SLF1: variants seen among roughly 807,000 people sequenced by gnomAD.
SLF1 encodes SMC5-SMC6 complex localization factor protein 1.
Under a neutral mutation model 123.0 loss-of-function variants are expected in SLF1, and 105 were observed. That is an observed-to-expected ratio of 0.85 (90% CI 0.73 to 1.00). The LOEUF (loss-of-function observed/expected upper bound fraction) is 1.00. SLF1 is among the 50% of genes least tolerant of loss of function. The pLI, the probability that SLF1 is intolerant of heterozygous loss-of-function variation, is 0.00. For synonymous variants in SLF1, 434 were observed against 406.6 expected, an observed-to-expected ratio of 1.07 and a Z score of -0.81; for missense variants, 1,239 against 1,223.0, an observed-to-expected ratio of 1.01 and a Z score of -0.20.
intron 9 of SLF1, among the ~76,000 whole-genome samples, chr5:94,655,172 A>G (rs555134464): frequency 1.3e-5 from 2 of 152,288 alleles, no homozygotes; most frequent in African/African-American, 2.4e-5. Context: ...AGTTTTCCCA[A>G]CATCATTTAT....
intron 15 of SLF1, among the ~76,000 whole-genome samples, chr5:94,683,230 C>G (rs1444242879): frequency 6.6e-6 from 1 of 152,048 alleles, no homozygotes; most frequent in Non-Finnish European, 1.5e-5. Flanking sequence ...AATTTCTTTC[C>G]ATGCTTCAGA....
chr5:94,625,438 C>A (rs1392326516), intron 1 of SLF1, among the ~76,000 whole-genome samples: 1 of 151,660 alleles, frequency 6.6e-6, no homozygotes. Context: ...GGCTGGAGTG[C>A]AATGGTGTGG....
chr5:94,684,914 A>G (rs1199260362), intron 15 of SLF1, among the ~76,000 whole-genome samples: 2 of 152,198 alleles, frequency 1.3e-5, no homozygotes, highest in South Asian at 2.1e-4. Flanking sequence ...CTCAGCCTGT[A>G]TACTGATTAT....
Position 94,631,974 on chromosome 5 carries a change from T to C in SLF1, c.431+1231T>C, listed in dbSNP as rs976254503. Among the ~76,000 whole-genome samples, 88 of 125,412 alleles carry C rather than the reference T, an allele frequency of 7.0e-4. 1 individual carries two copies. In the South Asian group the frequency reaches 0.012, roughly 17 times the overall value. The allele number at this position is 125,412 out of a possible 152,430, so 82.3% of individuals were successfully genotyped here. A position where few individuals can be genotyped will look rare whatever the true frequency, so the allele number is the denominator to read the frequency against. Reference sequence around the variant, plus strand: ...CTACAAAATTTTTTTTTCTTTCTTTTTTTTTTTTTTTTTTCCAAATTAAAT... The same window carrying C: ...CTACAAAATTTTTTTTTCTTTCTTTCTTTTTTTTTTTTTTCCAAATTAAAT... On this transcript the variant is annotated intron_variant, in intron 4 of 20. Transcript: ENST00000265140.
At chr5:94,693,543 T>C (rs1413504815) in intron 20 of SLF1, among the ~76,000 whole-genome samples, 1 of 152,010 alleles carries the variant, frequency 6.6e-6, no homozygotes, top group African/African-American at 2.4e-5. Flanking sequence ...TGTTTTTGTT[T>C]TTATCAAGGT....
intron 14 of SLF1, among the ~76,000 whole-genome samples, chr5:94,676,479 A>G (rs144230817): frequency 2.6e-5 from 4 of 152,306 alleles, no homozygotes; most frequent in Non-Finnish European, 5.9e-5. Flanking sequence ...CAGCTGTCCT[A>G]TCAAGGCAGG....
At chr5:94,646,833 G>A (rs1383646293) in intron 5 of SLF1, among the ~76,000 whole-genome samples, 1 of 152,114 alleles carries the variant, frequency 6.6e-6, no homozygotes, top group African/African-American at 2.4e-5. Flanking sequence ...ATACTACATT[G>A]CTTTGGTGAT....
chr5:94,627,585 CATAT>C (rs58847356), intron 1 of SLF1, among the ~76,000 whole-genome samples: 5,992 of 86,568 alleles, frequency 0.069, 288 homozygotes, highest in African/African-American at 0.13. Flanking sequence ...ATGAAATTAA[CATAT>C]ATATATATAT....
rs554441848 is a variant in SLF1, at chr5:94,687,211, TAGGTGAGTGCCTGC to T, written c.2121+507_2121+520del. On this transcript the variant is annotated intron_variant, in intron 16 of 20. Transcript: ENST00000265140. ...AGCCAGCGGCCGTGCTGAGTGCCTG[TAGGTGAGTGCCTGC>T]AGGTGAGTGCCTGTAGTTCCAGCTA... 3.8e-3 allele frequency among the ~76,000 whole-genome samples: 580 copies of T among 152,312 alleles called. 3 individuals carry two copies. The highest frequency in any genetic ancestry group is 0.013 in the African/African-American group (558 of 41,584).
chr5:94,618,581 T>C (rs1791219832), upstream of SLF1: 1 of 154,300 alleles, frequency 6.5e-6, no homozygotes, highest in African/African-American at 2.4e-5. Context: ...ATTACCACCC[T>C]GGCGACGGCT....
chr5:94,628,588 GAA>G (rs1744863544), intron 1 of SLF1, among the ~76,000 whole-genome samples: 1 of 152,162 alleles, frequency 6.6e-6, no homozygotes, highest in Admixed American at 6.5e-5. Context: ...AAATCAGAAA[GAA>G]AACCCTCACT....
chr5:94,682,321 A>G (rs1751889399), intron 15 of SLF1, among the ~76,000 whole-genome samples: 1 of 152,046 alleles, frequency 6.6e-6, no homozygotes, highest in Non-Finnish European at 1.5e-5. Context: ...ATTGTCTGCC[A>G]CCTCTTTTTT....
chr5:94,669,053 C>G (rs1293258119), intron 12 of SLF1, among the ~76,000 whole-genome samples: 4 of 152,126 alleles, frequency 2.6e-5, no homozygotes, highest in Non-Finnish European at 5.9e-5. Context: ...TAAAAATAGA[C>G]TTTTAAACAA....
intron 4 of SLF1, among the ~76,000 whole-genome samples, chr5:94,634,596 T>G (rs1205167010): frequency 2.6e-5 from 4 of 152,320 alleles, no homozygotes; most frequent in South Asian, 2.1e-4. Context: ...TTTAGGTTGG[T>G]TTTATAACTT....
In SLF1 at chr5:94,695,587, ATAT is replaced by A. The variant is rs1215426612; in HGVS notation, c.*279_*281del. ...TTAATGTTTTTTTGTTCTGAAAGTG[ATAT>A]TATATTGTACATGTAAAATTAATTT... On this transcript the variant is annotated 3_prime_UTR_variant, in exon 21 of 21. Transcript: ENST00000265140. 2.5e-5 allele frequency: 5 copies of A among 200,566 alleles called. No individual in the cohort carries two copies. Among genetic ancestry groups the A allele is most frequent in the African/African-American group, 9.3e-5 (4 of 42,900 alleles). 12.4% of individuals were successfully genotyped at this position (200,566 alleles called of 1,614,324 possible). A position where few individuals can be genotyped will look rare whatever the true frequency, so the allele number is the denominator to read the frequency against.
At chr5:94,681,601 C>T (rs1448018846) in intron 15 of SLF1, among the ~76,000 whole-genome samples, 3 of 151,886 alleles carry the variant, frequency 2.0e-5, no homozygotes, top group African/African-American at 4.8e-5. Flanking sequence ...CACCCACTAA[C>T]TCGTCATCTA....
chr5:94,660,483 A>G (rs1232269039), intron 9 of SLF1, among the ~76,000 whole-genome samples: 1 of 152,122 alleles, frequency 6.6e-6, no homozygotes. Context: ...TGGCTGTGCT[A>G]GTAGTCGGAG....
intron 5 of SLF1, among the ~76,000 whole-genome samples, chr5:94,649,037 G>T (rs965209255): frequency 6.6e-6 from 1 of 152,112 alleles, no homozygotes; most frequent in African/African-American, 2.4e-5. Context: ...TCCTCTCTAT[G>T]TGGGGTATAC....
intron 19 of SLF1, 82 bp from the exon 20 acceptor site, chr5:94,691,992 A>G: frequency 2.9e-6 from 4 of 1,370,296 alleles, no homozygotes; most frequent in Non-Finnish European, 4.0e-6. Context: ...AGTCACACTG[A>G]TGAGAAAAGT....
Sources: gnomAD v4.1 joint callset for allele counts (sites outside exome capture counted in the v4.1 genomes callset) on GRCh38, gnomAD v4.1.1 for gene constraint, MANE v1.5 for transcripts, NCBI Gene and HGNC (gene_info 2026-07-23, HGNC 2026-07-21) for gene names.